The following NRXN3 variants were observed in gnomAD, a reference collection of about 807,000 sequenced individuals.
The protein encoded by NRXN3 is neurexin 3, also known as neurexin III.
Under a neutral mutation model 137.6 loss-of-function variants are expected in NRXN3, and 32 were observed. That is an observed-to-expected ratio of 0.23 (90% confidence interval 0.18 to 0.31). The LOEUF (loss-of-function observed/expected upper bound fraction) is 0.31, where lower values mean the gene tolerates loss of function less well. Among genes scored for constraint, NRXN3 ranks in the 10% least tolerant of loss-of-function variants. The pLI, the probability that NRXN3 is intolerant of heterozygous loss-of-function variation, is 1.00. For missense variants in NRXN3, 1,574 were observed against 2,062.5 expected, an observed-to-expected ratio of 0.76 and a Z score of 4.59; for synonymous variants, 798 against 784.5, an observed-to-expected ratio of 1.02 and a Z score of -0.29.
chr14:78,812,988 C>T (rs1035585348), intron 10 of NRXN3, among the ~76,000 whole-genome samples: 1 of 151,894 alleles, frequency 6.6e-6, no homozygotes, highest in African/African-American at 2.4e-5. Flanking sequence ...AATGTAACCA[C>T]GTATCTAGGG....
At chr14:78,419,961 G>GCGCA (rs1555518606) in intron 4 of NRXN3, among the ~76,000 whole-genome samples, 11 of 49,242 alleles carry the variant, frequency 2.2e-4, no homozygotes, top group East Asian at 5.4e-4. Context: ...GCGCGCGCAC[G>GCGCA]CACACACACA....
chr14:78,895,681 C>G (rs1431373946), intron 10 of NRXN3, among the ~76,000 whole-genome samples: 4 of 151,914 alleles, frequency 2.6e-5, no homozygotes, highest in African/African-American at 9.7e-5. Flanking sequence ...CAACATGCCT[C>G]ACTGAGCTTA....
chr14:79,713,750 G>A (rs1461010575), intron 19 of NRXN3, among the ~76,000 whole-genome samples: 3 of 145,148 alleles, frequency 2.1e-5, no homozygotes, highest in Non-Finnish European at 3.0e-5. Context: ...TTTTTTTTCA[G>A]TTTCACCAAT....
chr14:79,090,525 T>C lies in NRXN3; in HGVS notation c.3262+102384T>C, dbSNP rs543334653. Among the ~76,000 whole-genome samples the C allele has an allele frequency of 8.5e-5, 13 of 152,268 alleles. No individual in the cohort carries two copies. The East Asian group carries it at 2.5e-3, about 29-fold the overall frequency. ...TCTAATTTTACCCATCAAGTGATCA[T>C]GCATCTGTTTTTCACCTTGCCCTAC... On this transcript the variant is annotated intron_variant, in intron 15 of 20. Transcript: ENST00000335750.
intron 10 of NRXN3, among the ~76,000 whole-genome samples, chr14:78,852,037 C>T (rs568058124): frequency 3.5e-4 from 54 of 152,126 alleles, no homozygotes; most frequent in Non-Finnish European, 6.2e-4. Flanking sequence ...CTGGGTGTAA[C>T]TGAAATAAAT....
chr14:79,239,283 A>T (rs1263112352), intron 15 of NRXN3, among the ~76,000 whole-genome samples: 1 of 152,126 alleles, frequency 6.6e-6, no homozygotes, highest in Non-Finnish European at 1.5e-5. Flanking sequence ...TGGTTGAACA[A>T]GGGTAACTGA....
intron 3 of NRXN3, among the ~76,000 whole-genome samples, chr14:78,289,981 A>C (rs2075638543): frequency 6.6e-6 from 1 of 152,184 alleles, no homozygotes; most frequent in Admixed American, 6.5e-5. Flanking sequence ...TTTTTTACAA[A>C]GTTAGCTGCA....
intron 15 of NRXN3, among the ~76,000 whole-genome samples, chr14:79,357,256 A>T (rs1412865456): frequency 6.6e-6 from 1 of 152,208 alleles, no homozygotes; most frequent in Admixed American, 6.5e-5. Context: ...CTGTGTAACA[A>T]ATGACCAAGT....
At chr14:78,547,442 C>T (rs1195612805) in intron 4 of NRXN3, among the ~76,000 whole-genome samples, 1 of 152,082 alleles carries the variant, frequency 6.6e-6, no homozygotes, top group Non-Finnish European at 1.5e-5. Context: ...TCGTGATCCA[C>T]CCTCCTCGGC....
intron 15 of NRXN3, among the ~76,000 whole-genome samples, chr14:79,163,551 T>C (rs185792180): frequency 4.6e-5 from 7 of 152,058 alleles, no homozygotes; most frequent in African/African-American, 7.2e-5. Context: ...AGAAATCCAG[T>C]CATGGCCTGA....
intron 16 of NRXN3, 53 bp from the exon 17 acceptor site, chr14:79,663,725 G>C: frequency 2.6e-6 from 4 of 1,536,810 alleles, no homozygotes; most frequent in Non-Finnish European, 1.8e-6. Context: ...AGTTTAAAGG[G>C]AGAGAACTTC....
In NRXN3 at chr14:78,540,942, G is replaced by GGCC. The variant is rs1432531192; in HGVS notation, c.758-104177_758-104175dup. 3.9e-5 allele frequency among the ~76,000 whole-genome samples: 6 copies of GGCC among 152,088 alleles called. No homozygotes were observed. In the East Asian group the frequency reaches 9.6e-4, roughly 24 times the overall value. ...CTTTTATTTTAGAATGTTGAATATT[G>GGCC]GCCTCCACTCTCTTCTGGCTTGTAA... On this transcript the variant is annotated intron_variant, in intron 4 of 20. Transcript: ENST00000335750.
intron 4 of NRXN3, among the ~76,000 whole-genome samples, chr14:78,304,195 C>T (rs1334014423): frequency 1.3e-5 from 2 of 152,186 alleles, no homozygotes; most frequent in African/African-American, 2.4e-5. Flanking sequence ...CACTTCCCTC[C>T]TCACTAAGGC....
chr14:79,465,051 ATT>A (rs1774728228), intron 15 of NRXN3, among the ~76,000 whole-genome samples: 1 of 152,178 alleles, frequency 6.6e-6, no homozygotes, highest in African/African-American at 2.4e-5. Flanking sequence ...AAAGTAAAAG[ATT>A]TTTATAAATT....
chr14:79,358,653 G>GAAAGA (rs2093564796), intron 15 of NRXN3, among the ~76,000 whole-genome samples: 1 of 150,302 alleles, frequency 6.7e-6, no homozygotes. Context: ...AAGAAAGAAA[G>GAAAGA]AAAGAAAGAA....
intron 15 of NRXN3, among the ~76,000 whole-genome samples, chr14:79,359,696 A>C (rs1477636313): frequency 6.6e-6 from 1 of 150,666 alleles, no homozygotes; most frequent in Non-Finnish European, 1.5e-5. Flanking sequence ...TCAGCCTCCC[A>C]AGTAGCTGGG....
At chr14:79,697,551 G>T in intron 18 of NRXN3, 79 bp from the exon 19 acceptor site, 1 of 1,450,276 alleles carries the variant, frequency 6.9e-7, no homozygotes, top group Non-Finnish European at 9.4e-7. Flanking sequence ...CTGTTATGAT[G>T]CCTGGTCCAT....
chr14:78,251,133 C>A (rs1036022328), intron 2 of NRXN3, among the ~76,000 whole-genome samples: 3 of 152,184 alleles, frequency 2.0e-5, no homozygotes, highest in Non-Finnish European at 2.9e-5. Flanking sequence ...GACAGGATGA[C>A]CTCTTCAAAC....
At chr14:78,301,813 T>G (rs1020046828) in intron 4 of NRXN3, among the ~76,000 whole-genome samples, 12 of 152,212 alleles carry the variant, frequency 7.9e-5, no homozygotes, top group Admixed American at 2.0e-4. Flanking sequence ...TGAAAAGTTA[T>G]GTATGGTTGC....
Sources: allele counts gnomAD v4.1 joint callset (sites outside exome capture counted in the v4.1 genomes callset), GRCh38; gene constraint gnomAD v4.1.1; transcripts MANE v1.5; gene names NCBI Gene and HGNC (gene_info 2026-07-23, HGNC 2026-07-21).